Variants in ERICH1 observed in about 807,000 individuals in gnomAD.
ERICH1 encodes the protein glutamate-rich protein 1.
In ERICH1, 56 loss-of-function variants were observed where a neutral mutation model predicts 39.6. That is an observed-to-expected ratio of 1.41 (90% confidence interval 1.14 to 1.77). ERICH1 has a LOEUF of 1.77. Ranked by LOEUF, ERICH1 falls within the 40% of genes most tolerant of loss-of-function variation. ERICH1 has a pLI of 0.00. For missense variants in ERICH1, 826 were observed against 575.4 expected, an observed-to-expected ratio of 1.44 and a Z score of -4.45; for synonymous variants, 313 against 223.6, an observed-to-expected ratio of 1.40 and a Z score of -3.57.
chr8:674,426 TC>T (rs2131874525), intron 3 of ERICH1, among the ~76,000 whole-genome samples: 1 of 150,714 alleles, frequency 6.6e-6, no homozygotes, highest in East Asian at 2.0e-4. Flanking sequence ...CCACTGCCTC[TC>T]CAGTAGCTGG....
chr8:716,708 C>G (rs961960866), intron 1 of ERICH1, among the ~76,000 whole-genome samples: 2 of 152,200 alleles, frequency 1.3e-5, no homozygotes, highest in Non-Finnish European at 2.9e-5. Flanking sequence ...TTTGGAATAA[C>G]CAAAAGTCGC....
rs1799576163 is a variant in ERICH1 at position 648,236 on chromosome 8, A to C, written c.976+20362T>G. Among the ~76,000 whole-genome samples, 3 of 66,088 alleles carry C rather than the reference A, an allele frequency of 4.5e-5. 1 individual carries two copies. Among genetic ancestry groups the C allele is most frequent in the Admixed American group, 3.8e-4 (3 of 7,854 alleles). The allele number at this position is 66,088 out of a possible 152,430, so 43.4% of individuals were successfully genotyped here. On this transcript the variant is annotated intron_variant, in intron 3 of 3. Coordinates refer to the ERICH1 transcript ENST00000522706. ...TCACAGTGGGCTTCCCAGCACCCAG[A>C]ACTATGGGAAATACATTTCTTTTCT... is the stretch of plus-strand genomic sequence containing the variant.
intron 4 of ERICH1, among the ~76,000 whole-genome samples, chr8:673,064 T>C (rs1267706142): frequency 6.6e-6 from 1 of 152,260 alleles, no homozygotes; most frequent in Admixed American, 6.5e-5. Context: ...CAGGGGCGCA[T>C]GCCCATCCAC....
At chr8:707,155 T>A (rs1188798674) in intron 2 of ERICH1, among the ~76,000 whole-genome samples, 8 of 151,742 alleles carry the variant, frequency 5.3e-5, no homozygotes, top group African/African-American at 1.9e-4. Flanking sequence ...TGGAATAGAA[T>A]TGAGAGTCCA....
At chr8:688,474 C>T (rs1274322539) in intron 3 of ERICH1, among the ~76,000 whole-genome samples, 10 of 151,864 alleles carry the variant, frequency 6.6e-5, no homozygotes, top group African/African-American at 2.4e-4. Flanking sequence ...GGAGCCTCCC[C>T]AGCTAGGGTC....
At chr8:654,825 G>T (rs148632972) in intron 3 of ERICH1, among the ~76,000 whole-genome samples, 2 of 152,218 alleles carry the variant, frequency 1.3e-5, no homozygotes, top group Admixed American at 1.3e-4. Flanking sequence ...ATACACCATG[G>T]GTTTGCCCCA....
intron 2 of ERICH1, among the ~76,000 whole-genome samples, chr8:715,258 G>A (rs775494850): frequency 7.2e-5 from 11 of 151,858 alleles, no homozygotes; most frequent in Non-Finnish European, 7.4e-5. Context: ...GTCTATTCCC[G>A]TGTCTCTCAG....
intron 3 of ERICH1, among the ~76,000 whole-genome samples, chr8:649,427 G>A (rs1466601685): frequency 6.6e-6 from 1 of 152,170 alleles, no homozygotes; most frequent in Admixed American, 6.5e-5. Context: ...TAAGAGCGGG[G>A]CTTGCTTTTA....
chr8:667,059 C>T (rs148229655), intron 5 of ERICH1: 2 of 152,930 alleles, frequency 1.3e-5, no homozygotes, highest in Admixed American at 6.5e-5. Context: ...GGTCTCCATT[C>T]TCTATCTCCT....
intron 1 of ERICH1, among the ~76,000 whole-genome samples, chr8:716,286 G>A (rs946814966): frequency 6.6e-6 from 1 of 152,228 alleles, no homozygotes; most frequent in Non-Finnish European, 1.5e-5. Flanking sequence ...GCTGTGCACT[G>A]CTGGCAGGTG....
chr8:713,390 A>G (rs1000662196), intron 2 of ERICH1, among the ~76,000 whole-genome samples: 1 of 152,262 alleles, frequency 6.6e-6, no homozygotes, highest in Non-Finnish European at 1.5e-5. Flanking sequence ...TTATCCTACT[A>G]CACTGGGAGC....
chr8:722,197 A>G (rs1817482072), intron 1 of ERICH1, among the ~76,000 whole-genome samples: 1 of 152,114 alleles, frequency 6.6e-6, no homozygotes, highest in African/African-American at 2.4e-5. Flanking sequence ...GGAAAATAAA[A>G]AGGCAGAGGA....
intron 3 of ERICH1, among the ~76,000 whole-genome samples, chr8:689,572 T>G (rs1266850195): frequency 6.6e-6 from 1 of 152,192 alleles, no homozygotes; most frequent in Non-Finnish European, 1.5e-5. Context: ...TGCACCACCA[T>G]GCAAGCTGCC....
intron 1 of ERICH1, among the ~76,000 whole-genome samples, chr8:726,823 CACAG>C (rs1818837662): frequency 6.6e-6 from 1 of 152,048 alleles, no homozygotes; most frequent in Non-Finnish European, 1.5e-5. Context: ...ACCACACATG[CACAG>C]ACACAGACAC....
intron 3 of ERICH1, among the ~76,000 whole-genome samples, chr8:632,467 TAA>T (rs900357298): frequency 5.9e-5 from 9 of 152,252 alleles, no homozygotes; most frequent in African/African-American, 2.2e-4. Flanking sequence ...TATGCAGCTC[TAA>T]AATTCAATGT....
chr8:673,393 T>A lies in ERICH1; in HGVS notation c.959A>T (p.Glu320Val). 6.2e-7 allele frequency: 1 copy of A among 1,614,094 alleles called. No homozygotes were observed. Among genetic ancestry groups the A allele is most frequent in the Non-Finnish European group, 8.5e-7 (1 of 1,179,994 alleles). ...GEEEGADSGE[E>V]DGADASEEDD... is the part of the protein sequence containing the mutation. ...TTCCTCGCTGGCGTCTGCACCGTCC[T>A]CCTCCCCGGAGTCTGCACCCTCTTC... Residue 320 changes from glutamate to valine, a missense_variant, in exon 4 of 6, where the codon GAG (glutamate) becomes GTG (valine). Physicochemically the swap from Glu to Val is moderately radical, Grantham distance 121 (BLOSUM62 -2). Transcript: ENST00000262109.
chr8:699,336 C>A (rs112770124), intron 2 of ERICH1, among the ~76,000 whole-genome samples: 3,096 of 152,248 alleles, frequency 0.02, 104 homozygotes, highest in African/African-American at 0.07. Context: ...TGGACGCCAC[C>A]CCCGATTGCT....
intron 2 of ERICH1, among the ~76,000 whole-genome samples, chr8:702,510 G>A (rs1002464820): frequency 2.0e-5 from 3 of 152,176 alleles, no homozygotes; most frequent in Admixed American, 6.5e-5. Context: ...ACAGGAGCAG[G>A]CACCTCCCAC....
chr8:718,026 G>A (rs1171180454), intron 1 of ERICH1, among the ~76,000 whole-genome samples: 2 of 152,238 alleles, frequency 1.3e-5, no homozygotes, highest in African/African-American at 2.4e-5. Flanking sequence ...GGATCGGAGC[G>A]CACTGAGAAA....
Sources: allele counts gnomAD v4.1 joint callset (sites outside exome capture counted in the v4.1 genomes callset), GRCh38; gene constraint gnomAD v4.1.1; transcripts MANE v1.5; gene names NCBI Gene and HGNC (gene_info 2026-07-23, HGNC 2026-07-21).